Variants in MED27 observed in about 807,000 individuals in gnomAD.
MED27 encodes mediator complex subunit 27.
Under a neutral mutation model 38.2 loss-of-function variants are expected in MED27, and 30 were observed. That is an observed-to-expected ratio of 0.79 (90% CI 0.59 to 1.07). MED27 has a LOEUF of 1.07. Ranked by LOEUF, MED27 falls within the 50% of genes least tolerant of loss-of-function variation. MED27 has a pLI of 0.00. For synonymous variants in MED27, 122 were observed against 153.5 expected, an observed-to-expected ratio of 0.79 and a Z score of 1.52; for missense variants, 289 against 397.5, an observed-to-expected ratio of 0.73 and a Z score of 2.32.
rs896105942 is a variant in MED27 at position 132,079,566 on chromosome 9, G to A, written c.203+76C>T. 2.9e-6 allele frequency: 4 copies of A among 1,379,396 alleles called. No homozygotes were observed. In the South Asian group the frequency reaches 3.5e-5, roughly 12 times the overall value. The allele number at this position is 1,379,396 out of a possible 1,614,324, so 85.4% of individuals were successfully genotyped here. On this transcript the variant is annotated intron_variant, in intron 1 of 7. Coordinates refer to ENST00000292035, the MANE Select transcript of MED27 (RefSeq NM_004269.4). ...GGAAACGGAGAACAGCCCCTGCCTG[G>A]GAAGACTCGAGCGACGTAGGGGCAG...
At chr9:132,055,076 C>T (rs183370007) in intron 2 of MED27, among the ~76,000 whole-genome samples, 3 of 152,200 alleles carry the variant, frequency 2.0e-5, no homozygotes, top group African/African-American at 7.2e-5. Flanking sequence ...TTGCTGTCCC[C>T]CTCACTGCCC....
At chr9:132,046,974 G>C (rs2131129568) in intron 2 of MED27, among the ~76,000 whole-genome samples, 1 of 152,220 alleles carries the variant, frequency 6.6e-6, no homozygotes, top group Non-Finnish European at 1.5e-5. Flanking sequence ...ACTTGGAAAA[G>C]TTACCTCATA....
At chr9:131,899,928 G>T (rs1829906217) in intron 4 of MED27, among the ~76,000 whole-genome samples, 1 of 152,196 alleles carries the variant, frequency 6.6e-6, no homozygotes, top group Non-Finnish European at 1.5e-5. Flanking sequence ...GTCACAGTCA[G>T]AAGCAAAACG....
intron 3 of MED27, among the ~76,000 whole-genome samples, chr9:131,992,578 T>G (rs900752044): frequency 1.3e-5 from 2 of 152,080 alleles, no homozygotes; most frequent in African/African-American, 2.4e-5. Context: ...TTAAAAAAAT[T>G]TTTGTAGAGA....
chr9:132,032,093 G>C (rs994068233), intron 2 of MED27: 1 of 152,172 alleles, frequency 6.6e-6, no homozygotes, highest in African/African-American at 2.4e-5. Context: ...AAGCTTGGCC[G>C]CTGCTAGCTG....
At chr9:132,029,065 C>T (rs1362045243) in intron 2 of MED27, among the ~76,000 whole-genome samples, 2 of 152,216 alleles carry the variant, frequency 1.3e-5, no homozygotes, top group African/African-American at 4.8e-5. Flanking sequence ...TGTTGGTTCA[C>T]CAGAAAGATT....
In MED27 at chr9:131,936,631, T is replaced by C. The variant is rs116247550; in HGVS notation, c.573+2750A>G. Among the ~76,000 whole-genome samples the C allele has an allele frequency of 1.5e-3, 230 of 152,312 alleles. 2 individuals carry two copies. The highest frequency in any genetic ancestry group is 5.4e-3 in the African/African-American group (224 of 41,574). ...GGTTAATACGGAATCATTTGGGCCATGGGGCCCCCTAAAAAACGTTGTCCT... is the reference window on the plus strand; with the variant it reads ...GGTTAATACGGAATCATTTGGGCCACGGGGCCCCCTAAAAAACGTTGTCCT... On this transcript the variant is annotated intron_variant, in intron 4 of 7. Transcript: ENST00000292035.
At chr9:131,912,812 A>T (rs1830215802) in intron 4 of MED27, among the ~76,000 whole-genome samples, 1 of 152,220 alleles carries the variant, frequency 6.6e-6, no homozygotes, top group South Asian at 2.1e-4. Flanking sequence ...TAAAAACAAA[A>T]CAGAGCTAAA....
intron 2 of MED27, among the ~76,000 whole-genome samples, chr9:132,056,891 C>A (rs146406744): frequency 1.3e-5 from 2 of 152,142 alleles, no homozygotes; most frequent in Non-Finnish European, 2.9e-5. Context: ...TATGGCTGAC[C>A]GACGCTGAGG....
chr9:131,897,419 G>A (rs149402363), intron 4 of MED27, among the ~76,000 whole-genome samples: 90 of 152,274 alleles, frequency 5.9e-4, no homozygotes, highest in African/African-American at 2.2e-3. Flanking sequence ...TGTCAGCGAT[G>A]GGCACTACTA....
chr9:131,989,135 T>C (rs1831917011), intron 3 of MED27, among the ~76,000 whole-genome samples: 2 of 152,188 alleles, frequency 1.3e-5, no homozygotes, highest in Admixed American at 1.3e-4. Flanking sequence ...ACTTAAACTC[T>C]GTAACTACTA....
At chr9:131,920,768 G>A (rs958743517) in intron 4 of MED27, among the ~76,000 whole-genome samples, 13 of 152,034 alleles carry the variant, frequency 8.6e-5, no homozygotes, top group Admixed American at 3.3e-4. Flanking sequence ...TTAAGGCAGC[G>A]CTGGGCCTAG....
At chr9:131,914,949 G>A (rs538789391) in intron 4 of MED27, among the ~76,000 whole-genome samples, 11 of 152,352 alleles carry the variant, frequency 7.2e-5, no homozygotes, top group South Asian at 2.1e-4. Flanking sequence ...GAATTCTGGC[G>A]TGGGCAACAG....
chr9:132,015,484 T>G (rs1326913681), intron 2 of MED27, among the ~76,000 whole-genome samples: 1 of 152,226 alleles, frequency 6.6e-6, no homozygotes, highest in African/African-American at 2.4e-5. Context: ...AATTCTAATT[T>G]ACGTAAAATA....
intron 4 of MED27, among the ~76,000 whole-genome samples, chr9:131,903,475 G>A (rs545920757): frequency 3.3e-5 from 5 of 152,100 alleles, no homozygotes; most frequent in East Asian, 1.9e-4. Context: ...TAGTCCCCTC[G>A]GCACAGGGAA....
chr9:131,922,823 AG>A (rs1381167538), intron 4 of MED27, among the ~76,000 whole-genome samples: 1 of 152,062 alleles, frequency 6.6e-6, no homozygotes, highest in East Asian at 1.9e-4. Flanking sequence ...CATGGTGGCC[AG>A]GCTGGTCTCA....
chr9:132,055,084 C>T (rs1833546962), intron 2 of MED27, among the ~76,000 whole-genome samples: 1 of 152,156 alleles, frequency 6.6e-6, no homozygotes, highest in South Asian at 2.1e-4. Context: ...CCCCTCACTG[C>T]CCTGGAAGCG....
intron 4 of MED27, among the ~76,000 whole-genome samples, chr9:131,925,777 C>T (rs965934687): frequency 2.0e-5 from 3 of 152,116 alleles, no homozygotes; most frequent in African/African-American, 7.2e-5. Flanking sequence ...GCAGCTCCTG[C>T]GGGGGCGGTG....
intron 2 of MED27, among the ~76,000 whole-genome samples, chr9:132,028,253 C>T (rs778143646): frequency 8.5e-5 from 13 of 152,144 alleles, no homozygotes; most frequent in South Asian, 6.2e-4. Context: ...CTTTTCTGGC[C>T]GCCTAAAGGA....
Sources: allele counts gnomAD v4.1 joint callset (sites outside exome capture counted in the v4.1 genomes callset), GRCh38; gene constraint gnomAD v4.1.1; transcripts MANE v1.5; gene names NCBI Gene and HGNC (gene_info 2026-07-23, HGNC 2026-07-21).